MARCHF1: variants seen among roughly 807,000 people sequenced by gnomAD.
MARCHF1 encodes the protein E3 ubiquitin-protein ligase MARCHF1.
A neutral mutation model predicts 54.2 loss-of-function variants in MARCHF1; 40 were observed. The ratio of observed to expected loss-of-function variants is 0.74; its 90% CI spans 0.57 to 0.96. The LOEUF is 0.96. MARCHF1 is among the 40% of genes least tolerant of loss of function. MARCHF1 has a pLI of 0.00. For missense variants in MARCHF1, 586 were observed against 656.5 expected (o/e 0.89, Z 1.17); for synonymous variants, 236 against 236.3 (o/e 1.00, Z 0.01).
chr4:163,691,241 T>C (rs1161170827), intron 5 of MARCHF1, among the ~76,000 whole-genome samples: 1 of 152,176 alleles, frequency 6.6e-6, no homozygotes, highest in African/African-American at 2.4e-5. Flanking sequence ...TGATCATATA[T>C]TCACTGCCAC....
intron 2 of MARCHF1, among the ~76,000 whole-genome samples, chr4:164,070,427 C>T (rs76961074): frequency 0.032 from 4,913 of 152,162 alleles, 235 homozygotes; most frequent in African/African-American, 0.11. Flanking sequence ...TTTACCAGAA[C>T]GTATATACAA....
In MARCHF1 at chr4:164,079,546, C is replaced by A. The variant is rs371640170; in HGVS notation, c.-248+32042G>T. Among the ~76,000 whole-genome samples the A allele has an allele frequency of 1.8e-4, 27 of 152,040 alleles. No individual in the cohort carries two copies. In the East Asian group the frequency reaches 5.0e-3, roughly 28 times the overall value. ...AATAGAGTTCGTATACAATTGATACCTAAAAAATATACTAGAAAATATGCT... is the reference window on the plus strand; with the variant it reads ...AATAGAGTTCGTATACAATTGATACATAAAAAATATACTAGAAAATATGCT... On this transcript the variant is annotated intron_variant, in intron 2 of 9. Coordinates refer to ENST00000514618, the MANE Select transcript of MARCHF1 (RefSeq NM_001394959.1).
At chr4:163,838,750 A>G (rs1749260053) in intron 4 of MARCHF1, among the ~76,000 whole-genome samples, 1 of 152,096 alleles carries the variant, frequency 6.6e-6, no homozygotes, top group Non-Finnish European at 1.5e-5. Context: ...ACAACAATTA[A>G]TTCAAAGTGT....
intron 4 of MARCHF1, among the ~76,000 whole-genome samples, chr4:163,834,597 C>T (rs1407493554): frequency 8.9e-6 from 1 of 112,846 alleles, no homozygotes; most frequent in Admixed American, 1.1e-4. Context: ...TGCTATCCCT[C>T]CCCCCTCCCC....
chr4:163,801,970 C>T (rs575234396), intron 4 of MARCHF1, among the ~76,000 whole-genome samples: 5 of 151,846 alleles, frequency 3.3e-5, no homozygotes, highest in Non-Finnish European at 4.4e-5. Context: ...GGGTGGGGAA[C>T]GCTAAATGTT....
intron 3 of MARCHF1, among the ~76,000 whole-genome samples, chr4:163,862,195 A>G (rs908303386): frequency 8.5e-5 from 13 of 152,114 alleles, no homozygotes; most frequent in Admixed American, 6.6e-5. Context: ...CATGAAAGAA[A>G]AAATGTTGAT....
chr4:163,578,804 G>C (rs562471288), intron 8 of MARCHF1, among the ~76,000 whole-genome samples: 1 of 152,190 alleles, frequency 6.6e-6, no homozygotes, highest in East Asian at 1.9e-4. Flanking sequence ...TGCTCCCCAA[G>C]GGTAGGGTTT....
At chr4:163,874,738 C>A (rs1281420557) in intron 3 of MARCHF1, among the ~76,000 whole-genome samples, 5 of 151,946 alleles carry the variant, frequency 3.3e-5, no homozygotes, top group Admixed American at 3.3e-4. Flanking sequence ...ATTTTCTGTG[C>A]AATTTTATAT....
intron 2 of MARCHF1, among the ~76,000 whole-genome samples, chr4:164,081,210 A>T (rs964146330): frequency 7.8e-6 from 1 of 128,308 alleles, no homozygotes; most frequent in African/African-American, 3.1e-5. Context: ...GCTGTCTCAA[A>T]AAAAAAAAAA....
At position 163,550,247 on chromosome 4, in the gene MARCHF1, A is replaced by C. The variant is rs1481239577; in HGVS notation, c.1192-4504T>G. ...CAGTGGGCCGAGATCGCGCCACTGC[A>C]CTCCAGCCTCGGCGACAGAGCGAGA... is the stretch of plus-strand genomic sequence containing the variant. On this transcript the variant is annotated intron_variant, in intron 8 of 9. Transcript: ENST00000514618. 6.2e-5 allele frequency among the ~76,000 whole-genome samples: 9 copies of C among 144,664 alleles called. No individual in the cohort carries two copies. In the South Asian group the frequency reaches 1.9e-3, roughly 31 times the overall value. The allele number at this position is 144,664 out of a possible 152,430, so 94.9% of individuals were successfully genotyped here. A position where few individuals can be genotyped will look rare whatever the true frequency, so the allele number is the denominator to read the frequency against.
intron 3 of MARCHF1, among the ~76,000 whole-genome samples, chr4:163,866,582 C>A (rs1750057728): frequency 6.7e-6 from 1 of 149,168 alleles, no homozygotes; most frequent in African/African-American, 2.4e-5. Flanking sequence ...CAATACATGT[C>A]TAGGTAACCG....
chr4:164,325,214 C>T (rs1735242675), intron 1 of MARCHF1, among the ~76,000 whole-genome samples: 1 of 151,126 alleles, frequency 6.6e-6, no homozygotes, highest in South Asian at 2.1e-4. Flanking sequence ...AGGTAATAAT[C>T]AAAACAATAA....
chr4:163,829,256 C>A (rs1471500932), intron 4 of MARCHF1: 1 of 152,204 alleles, frequency 6.6e-6, no homozygotes, highest in Non-Finnish European at 1.5e-5. Flanking sequence ...AGAAGCTCAA[C>A]ACAGTTTGTG....
At chr4:163,778,722 T>A (rs1280275234) in intron 4 of MARCHF1, among the ~76,000 whole-genome samples, 2 of 152,146 alleles carry the variant, frequency 1.3e-5, no homozygotes, top group Non-Finnish European at 2.9e-5. Context: ...TAGGAGGCCA[T>A]TATCTTAAGC....
chr4:164,311,636 T>A (rs1223857568), intron 1 of MARCHF1, among the ~76,000 whole-genome samples: 2 of 152,336 alleles, frequency 1.3e-5, no homozygotes, highest in East Asian at 3.9e-4. Flanking sequence ...GTCCTATTAA[T>A]CTTGGTGATT....
At chr4:163,878,783 G>GT (rs1006007676) in intron 3 of MARCHF1, among the ~76,000 whole-genome samples, 41 of 152,220 alleles carry the variant, frequency 2.7e-4, no homozygotes, top group African/African-American at 9.6e-4. Context: ...TCCAAAGTCA[G>GT]TTTTTTTGTA....
chr4:163,580,033 C>G (rs1022927649), intron 8 of MARCHF1, among the ~76,000 whole-genome samples: 6 of 151,140 alleles, frequency 4.0e-5, no homozygotes, highest in Admixed American at 2.6e-4. Flanking sequence ...AGAAGTTCAT[C>G]CAGAATTGTC....
chr4:163,586,615 T>C (rs1740422108), intron 7 of MARCHF1, among the ~76,000 whole-genome samples: 2 of 152,352 alleles, frequency 1.3e-5, no homozygotes, highest in Admixed American at 1.3e-4. Context: ...ATTTAATTCA[T>C]ACATGGAAGT....
intron 1 of MARCHF1, among the ~76,000 whole-genome samples, chr4:164,315,162 C>T (rs1378958813): frequency 6.7e-6 from 1 of 148,842 alleles, no homozygotes; most frequent in East Asian, 2.0e-4. Context: ...CTCATTAAAA[C>T]CAAGTGAACA....
Sources: gnomAD v4.1 joint callset for allele counts (sites outside exome capture counted in the v4.1 genomes callset) on GRCh38, gnomAD v4.1.1 for gene constraint, MANE v1.5 for transcripts, NCBI Gene and HGNC (gene_info 2026-07-23, HGNC 2026-07-21) for gene names.